Variants in GRIA1 observed in about 807,000 individuals in gnomAD.
The protein encoded by GRIA1 is glutamate receptor 1.
Under a neutral mutation model 99.2 loss-of-function variants are expected in GRIA1, and 31 were observed. The ratio of observed to expected loss-of-function variants is 0.31; its 90% CI spans 0.23 to 0.42. GRIA1 has a LOEUF of 0.42. Ranked by LOEUF, GRIA1 falls within the 10% of genes least tolerant of loss-of-function variation. The pLI, the probability that GRIA1 is intolerant of heterozygous loss-of-function variation, is 1.00. For missense variants in GRIA1, 782 were observed against 1,157.5 expected (o/e 0.68, Z 4.71); for synonymous variants, 438 against 432.4 (o/e 1.01, Z -0.16).
intron 14 of GRIA1, among the ~76,000 whole-genome samples, chr5:153,796,948 C>A (rs1010008190): frequency 2.0e-5 from 3 of 152,306 alleles, no homozygotes; most frequent in Non-Finnish European, 2.9e-5. Flanking sequence ...CCCATCCCTG[C>A]CCTCCTCACA....
chr5:153,803,860 C>A (rs891832010), intron 15 of GRIA1, among the ~76,000 whole-genome samples: 1 of 152,186 alleles, frequency 6.6e-6, no homozygotes, highest in Admixed American at 6.5e-5. Flanking sequence ...CTACACACAC[C>A]TCCGGGGTCG....
chr5:153,692,984 T>A (rs774369434), intron 8 of GRIA1, among the ~76,000 whole-genome samples: 5 of 152,182 alleles, frequency 3.3e-5, no homozygotes, highest in Non-Finnish European at 5.9e-5. Context: ...ACTTCAAATC[T>A]TTTAAGTGTG....
At chr5:153,517,967 C>A (rs1006639362) in intron 2 of GRIA1, among the ~76,000 whole-genome samples, 1 of 152,216 alleles carries the variant, frequency 6.6e-6, no homozygotes, top group African/African-American at 2.4e-5. Context: ...TCTCATGTAA[C>A]TGGATTTCAG....
intron 3 of GRIA1, among the ~76,000 whole-genome samples, chr5:153,650,123 T>C (rs1340703236): frequency 6.6e-6 from 1 of 152,198 alleles, no homozygotes; most frequent in African/African-American, 2.4e-5. Context: ...CAGATTGTTT[T>C]TTAATCACTA....
chr5:153,705,648 C>T, intron 10 of GRIA1, 49 bp from the exon 11 acceptor site: 1 of 1,399,902 alleles, frequency 7.1e-7, no homozygotes, highest in Non-Finnish European at 9.3e-7. Flanking sequence ...AAAAGGGCTG[C>T]TGAGCTCACC....
intron 5 of GRIA1, among the ~76,000 whole-genome samples, chr5:153,657,982 C>G (rs892515724): frequency 2.0e-5 from 3 of 152,108 alleles, no homozygotes; most frequent in Admixed American, 2.0e-4. Context: ...CTCCCAGATC[C>G]TTAGTGCTAG....
chr5:153,625,531 G>A (rs544936067), intron 2 of GRIA1, among the ~76,000 whole-genome samples: 10 of 152,292 alleles, frequency 6.6e-5, no homozygotes, highest in South Asian at 2.1e-4. Context: ...CTGATACCAC[G>A]GCACTCACGG....
At chr5:153,739,022 C>T (rs1363645616) in intron 11 of GRIA1, among the ~76,000 whole-genome samples, 1 of 151,042 alleles carries the variant, frequency 6.6e-6, no homozygotes, top group African/African-American at 2.4e-5. Context: ...ACACCTGGCC[C>T]ATACCTTCAT....
intron 2 of GRIA1, among the ~76,000 whole-genome samples, chr5:153,506,858 C>T (rs1302833212): frequency 6.6e-6 from 1 of 152,146 alleles, no homozygotes; most frequent in Non-Finnish European, 1.5e-5. Context: ...CATGGTGGCT[C>T]ACACCTGTAA....
chr5:153,512,852 AG>A lies in GRIA1; in HGVS notation c.220+18788del, dbSNP rs1380724544. ...TCCGTTTGTTAAAGCCCTAACCTCC[AG>A]CATGATGGTAGTGGGTTTAGCTGTC... is the stretch of plus-strand genomic sequence containing the variant. On this transcript the variant is annotated intron_variant, in intron 2 of 15. Transcript: ENST00000285900. 2.6e-5 allele frequency among the ~76,000 whole-genome samples: 4 copies of A among 152,196 alleles called. No homozygotes were observed. In the East Asian group the frequency reaches 7.7e-4, roughly 29 times the overall value.
intron 2 of GRIA1, among the ~76,000 whole-genome samples, chr5:153,581,056 G>A (rs995474353): frequency 4.6e-5 from 7 of 152,198 alleles, no homozygotes; most frequent in South Asian, 2.1e-4. Context: ...AGCGGCTTAC[G>A]TAGCAGCTCA....
chr5:153,542,293 T>G (rs113176360), intron 2 of GRIA1, among the ~76,000 whole-genome samples: 11 of 152,266 alleles, frequency 7.2e-5, no homozygotes, highest in African/African-American at 2.6e-4. Flanking sequence ...ATGCCTCCCC[T>G]ACATTCTCCA....
At chr5:153,758,763 C>T (rs1360329523) in intron 11 of GRIA1, among the ~76,000 whole-genome samples, 5 of 152,010 alleles carry the variant, frequency 3.3e-5, no homozygotes, top group South Asian at 2.1e-4. Flanking sequence ...GTAGGATATA[C>T]GTTATTTGCA....
chr5:153,611,800 G>A (rs930691014), intron 2 of GRIA1, among the ~76,000 whole-genome samples: 1 of 152,198 alleles, frequency 6.6e-6, no homozygotes, highest in Non-Finnish European at 1.5e-5. Context: ...CCAAAGCTAC[G>A]TGAGCACTGG....
At chr5:153,497,006 A>G (rs574012268) in intron 2 of GRIA1, among the ~76,000 whole-genome samples, 1 of 152,190 alleles carries the variant, frequency 6.6e-6, no homozygotes, top group Non-Finnish European at 1.5e-5. Context: ...TGTTCATGCT[A>G]GACATGTTAG....
chr5:153,650,382 G>A lies in GRIA1; in HGVS notation c.513G>A (p.Gln171=). The A allele has an allele frequency of 6.2e-7, 1 of 1,613,992 alleles. No homozygotes were observed. The highest frequency in any genetic ancestry group is 8.5e-7 in the Non-Finnish European group (1 of 1,179,916). ...ATACAGCTGCTGAGAAGAACTGGCAGGTGACAGCAGTCAACATTTTGACAA... is the reference window on the plus strand; with the variant it reads ...ATACAGCTGCTGAGAAGAACTGGCAAGTGACAGCAGTCAACATTTTGACAA... The part of the protein sequence containing the change: ...VLDTAAEKNW[Q]VTAVNILTTT... Residue 171 remains glutamine (Q), a synonymous_variant, in exon 4 of 16, where the codon CAG becomes CAA. Coordinates refer to ENST00000285900, the MANE Select transcript of GRIA1 (RefSeq NM_000827.4).
chr5:153,654,503 A>G (rs1028555937), intron 4 of GRIA1, among the ~76,000 whole-genome samples: 3 of 151,992 alleles, frequency 2.0e-5, no homozygotes, highest in African/African-American at 7.3e-5. Flanking sequence ...TGACAAGCAG[A>G]TGAAAAAGTA....
intron 15 of GRIA1, 26 bp from the exon 16 acceptor site, chr5:153,810,999 G>A (rs921289786): frequency 1.3e-6 from 2 of 1,591,790 alleles, no homozygotes; most frequent in Admixed American, 1.7e-5. Flanking sequence ...AGGACCCGGG[G>A]AAGAACCCCC....
intron 2 of GRIA1, among the ~76,000 whole-genome samples, chr5:153,523,546 T>G (rs761269801): frequency 6.6e-6 from 1 of 152,120 alleles, no homozygotes; most frequent in Admixed American, 6.5e-5. Context: ...TTGTTACTGT[T>G]GTGGAAAGAA....
Sources: gnomAD v4.1 joint callset for allele counts (sites outside exome capture counted in the v4.1 genomes callset) on GRCh38, gnomAD v4.1.1 for gene constraint, MANE v1.5 for transcripts, NCBI Gene and HGNC (gene_info 2026-07-23, HGNC 2026-07-21) for gene names.